CD5L: variants seen among roughly 807,000 people sequenced by gnomAD.
CD5L encodes the protein CD5 molecule like.
A neutral mutation model predicts 40.8 loss-of-function variants in CD5L; 39 were observed. The ratio of observed to expected loss-of-function variants is 0.96; its 90% confidence interval spans 0.74 to 1.25. The LOEUF is 1.25. Ranked by LOEUF, CD5L falls within the 50% of genes most tolerant of loss-of-function variation. The pLI is 0.00. For synonymous variants in CD5L, 192 were observed against 169.6 expected (o/e 1.13, Z -1.03); for missense variants, 433 against 435.9 (o/e 0.99, Z 0.06).
At chr1:157,829,936 A>G, downstream of CD5L, among the ~76,000 whole-genome samples, 1 of 152,118 alleles carries the variant, frequency 6.6e-6, no homozygotes, top group East Asian at 1.9e-4. Flanking sequence ...CATCTGTTTC[A>G]TTCTTACTCA....
downstream of CD5L, among the ~76,000 whole-genome samples, chr1:157,830,546 T>C (rs146083308): frequency 8.1e-4 from 123 of 152,278 alleles, no homozygotes; most frequent in African/African-American, 2.9e-3. Flanking sequence ...TCCCTGATGA[T>C]TGAACTGTTT....
chr1:157,833,651 G>A, intron 4 of CD5L, 139 bp from the exon 5 acceptor site: 1 of 710,640 alleles, frequency 1.4e-6, no homozygotes, highest in Non-Finnish European at 2.3e-6. Flanking sequence ...TGTTGCCCAG[G>A]CTGGAGTGTA....
rs202111822 is a variant in CD5L, at chr1:157,834,532, C to A, written c.593G>T (p.Arg198Leu). The A allele has an allele frequency of 3.7e-6, 6 of 1,614,208 alleles. No homozygotes were observed. In the Admixed American group the frequency reaches 1.0e-4, roughly 27 times the overall value. ...QKRCNKHAYGRKPIWLSQMSC... is the reference protein window; with the variant it reads ...QKRCNKHAYGLKPIWLSQMSC... ...CATCTGGCTCAGCCAGATGGGTTTT[C>A]GGCCATAGGCATGCTTGTTGCAGCG... The change falls in exon 4 of 6, where the codon CGA (arginine) becomes CTA (leucine). Residue 198 changes from arginine to leucine, a missense_variant. By Grantham distance (102) the Arg-to-Leu change is moderately radical. Transcript: ENST00000368174.
At position 157,831,689 on chromosome 1, in the gene CD5L, C is replaced by T; in HGVS notation, c.*275G>A. The T allele has an allele frequency of 8.3e-7, 1 of 1,211,012 alleles. No individual in the cohort carries two copies. The highest frequency in any genetic ancestry group is 1.0e-6 in the Non-Finnish European group (1 of 974,390). 75.0% of individuals were successfully genotyped at this position (1,211,012 alleles called of 1,614,324 possible). The stretch of plus-strand genomic sequence containing the variant: ...CAGCTTGAGAAAAGGCAGGAAAGGC[C>T]AGAACCAGTGTCAAAGGGTCAGGGT... On this transcript the variant is annotated 3_prime_UTR_variant, in exon 6 of 6. Transcript: ENST00000368174.
chr1:157,840,004 C>G (rs981885578), intron 1 of CD5L, among the ~76,000 whole-genome samples: 1 of 152,194 alleles, frequency 6.6e-6, no homozygotes, highest in Non-Finnish European at 1.5e-5. Flanking sequence ...TATATGTATG[C>G]AAGTGAGGAC....
downstream of CD5L, among the ~76,000 whole-genome samples, chr1:157,829,133 G>T (rs2765496): frequency 0.31 from 46,479 of 151,942 alleles, 9,093 homozygotes; most frequent in Non-Finnish European, 0.42. Context: ...GCAATGGGTT[G>T]TTAGAGGACA....
At chr1:157,835,318 TG>T (rs1168163147) in intron 3 of CD5L, among the ~76,000 whole-genome samples, 1 of 152,184 alleles carries the variant, frequency 6.6e-6, no homozygotes, top group East Asian at 1.9e-4. Context: ...AGCAAGTATG[TG>T]GGGGGAAGTA....
chr1:157,837,294 T>C (rs1324824085), intron 2 of CD5L, among the ~76,000 whole-genome samples: 1 of 151,910 alleles, frequency 6.6e-6, no homozygotes, highest in East Asian at 1.9e-4. Flanking sequence ...AGAGTGGAGA[T>C]GGCTGTGTAG....
At chr1:157,832,959 G>T (rs1180355300) in intron 5 of CD5L, among the ~76,000 whole-genome samples, 1 of 151,964 alleles carries the variant, frequency 6.6e-6, no homozygotes, top group Non-Finnish European at 1.5e-5. Flanking sequence ...ATGTTCTCAC[G>T]ATCAATACGT....
chr1:157,828,986 T>C (rs924618053), downstream of CD5L, among the ~76,000 whole-genome samples: 1 of 152,164 alleles, frequency 6.6e-6, no homozygotes, highest in Non-Finnish European at 1.5e-5. Flanking sequence ...CACATGGAGA[T>C]CTAATAGGCA....
At chr1:157,834,296 G>A in intron 4 of CD5L, 111 bp downstream of exon 4, 1 of 856,528 alleles carries the variant, frequency 1.2e-6, no homozygotes, top group South Asian at 1.8e-5. Flanking sequence ...AGTTAAATAA[G>A]TTTGCAATGG....
chr1:157,827,469 A>C (rs1655932245), downstream of CD5L, among the ~76,000 whole-genome samples: 1 of 152,192 alleles, frequency 6.6e-6, no homozygotes, highest in African/African-American at 2.4e-5. Context: ...CCAACTCTGA[A>C]GGCCTGAGAA....
downstream of CD5L, among the ~76,000 whole-genome samples, chr1:157,827,376 G>A (rs1203974277): frequency 6.6e-6 from 1 of 151,812 alleles, no homozygotes; most frequent in East Asian, 1.9e-4. Flanking sequence ...TGTGTGCAAT[G>A]TGGAGACATA....
At chr1:157,840,650 A>T (rs1397005408) in intron 1 of CD5L, among the ~76,000 whole-genome samples, 1 of 152,194 alleles carries the variant, frequency 6.6e-6, no homozygotes, top group Non-Finnish European at 1.5e-5. Context: ...ACATGTGTAC[A>T]TGTGAAGGAA....
chr1:157,835,688 A>T, intron 3 of CD5L, 147 bp downstream of exon 3: 1 of 665,518 alleles, frequency 1.5e-6, no homozygotes, highest in Non-Finnish European at 2.6e-6. Context: ...TATCTCCAGC[A>T]CTGACAGTTG....
At chr1:157,828,591 T>A (rs2101932922), downstream of CD5L, among the ~76,000 whole-genome samples, 1 of 152,216 alleles carries the variant, frequency 6.6e-6, no homozygotes, top group East Asian at 1.9e-4. Flanking sequence ...TTTGAAATAA[T>A]TTTTACACAG....
intron 2 of CD5L, among the ~76,000 whole-genome samples, chr1:157,839,008 G>A (rs2101940961): frequency 6.6e-6 from 1 of 152,294 alleles, no homozygotes; most frequent in Non-Finnish European, 1.5e-5. Flanking sequence ...ACACCATTAA[G>A]CCTGGCAGGG....
chr1:157,836,385 G>C (rs1402490519), intron 2 of CD5L, among the ~76,000 whole-genome samples: 1 of 152,190 alleles, frequency 6.6e-6, no homozygotes, highest in Non-Finnish European at 1.5e-5. Context: ...TCTACTTCAA[G>C]ATACCTGGAC....
Position 157,833,311 on chromosome 1 carries a change from C to T in CD5L, c.920G>A (p.Arg307His), listed in dbSNP as rs149534244. Residue 307 changes from arginine to histidine, a missense_variant, in exon 5 of 6, where the codon CGC becomes CAC. Arg to His is a conservative substitution (Grantham distance 29, BLOSUM62 0). Coordinates refer to ENST00000368174, the MANE Select transcript of CD5L (RefSeq NM_005894.3). ...GCAACGAACATTATCCAGCCAGATG[C>T]GGCCAACCCCAGGGCCATAGCATTT... ...DRKCYGPGVG[R>H]IWLDNVRCSG... is the part of the protein sequence containing the mutation. 82 of 1,614,128 alleles carry T rather than the reference C, an allele frequency of 5.1e-5. No individual in the cohort carries two copies. The highest frequency in any genetic ancestry group is 3.1e-4 in the African/African-American group (23 of 75,024).
Sources: gnomAD v4.1 joint callset for allele counts (sites outside exome capture counted in the v4.1 genomes callset) on GRCh38, gnomAD v4.1.1 for gene constraint, MANE v1.5 for transcripts, NCBI Gene and HGNC (gene_info 2026-07-23, HGNC 2026-07-21) for gene names.